Variants in DGKI observed in about 807,000 individuals in gnomAD.
The protein encoded by DGKI is diacylglycerol kinase iota.
DGKI carries 55 observed loss-of-function variants against 147.5 expected under a neutral mutation model. The observed-to-expected ratio is 0.37, with a 90% confidence interval of 0.30 to 0.47. The LOEUF (loss-of-function observed/expected upper bound fraction) is 0.47. Ranked by LOEUF, DGKI falls within the 20% of genes least tolerant of loss-of-function variation. The pLI is 1.00. For missense variants in DGKI, 1,007 were observed against 1,323.8 expected (o/e 0.76, Z 3.71); for synonymous variants, 469 against 477.1 (o/e 0.98, Z 0.22).
chr7:137,456,780 TAAAGTA>T (rs1814222827), intron 27 of DGKI, among the ~76,000 whole-genome samples: 1 of 152,212 alleles, frequency 6.6e-6, no homozygotes, highest in Non-Finnish European at 1.5e-5. Context: ...TGTTTAACAT[TAAAGTA>T]AGTTTGTTTG....
intron 17 of DGKI, among the ~76,000 whole-genome samples, chr7:137,573,686 T>C (rs1312241887): frequency 6.6e-6 from 1 of 152,206 alleles, no homozygotes; most frequent in Non-Finnish European, 1.5e-5. Flanking sequence ...ATTATAGGCG[T>C]GAGCCACTGC....
chr7:137,415,107 G>GC (rs1554399437), intron 28 of DGKI, among the ~76,000 whole-genome samples: 2 of 151,988 alleles, frequency 1.3e-5, no homozygotes, highest in Non-Finnish European at 2.9e-5. Flanking sequence ...AGAACCCATC[G>GC]GATTAGAAGC....
chr7:137,678,493 A>G, intron 3 of DGKI, 64 bp downstream of exon 3: 1 of 1,501,620 alleles, frequency 6.7e-7, no homozygotes, highest in South Asian at 1.1e-5. Context: ...AATTTAGGCA[A>G]GGTGACCCCT....
In DGKI at chr7:137,390,009, C is replaced by T. The variant is rs2128891621; in HGVS notation, c.*1211G>A. Reference sequence around the variant, plus strand: ...ATACAACAAGCCTTTGTTCTTGGGTCAAGGATTACTTGGAGTAATGAAAAC... The same window carrying T: ...ATACAACAAGCCTTTGTTCTTGGGTTAAGGATTACTTGGAGTAATGAAAAC... On this transcript the variant is annotated 3_prime_UTR_variant, in exon 33 of 33. Transcript: ENST00000614521. 1.3e-5 allele frequency: 2 copies of T among 152,230 alleles called. No individual in the cohort carries two copies. Among genetic ancestry groups the T allele is most frequent in the African/African-American group, 4.8e-5 (2 of 41,530 alleles). 9.4% of individuals were successfully genotyped at this position (152,230 alleles called of 1,614,324 possible).
chr7:137,732,895 A>G (rs544960244), intron 1 of DGKI, among the ~76,000 whole-genome samples: 1 of 151,700 alleles, frequency 6.6e-6, no homozygotes, highest in East Asian at 1.9e-4. Context: ...CCCATTCTTT[A>G]TAAAGAAGCC....
At chr7:137,517,250 G>A (rs558584513) in intron 21 of DGKI, among the ~76,000 whole-genome samples, 75 of 80,218 alleles carry the variant, frequency 9.3e-4, no homozygotes, top group Middle Eastern at 5.7e-3. Context: ...AGAAAGAAAA[G>A]AAAAAGAAAG....
At chr7:137,428,211 G>A (rs541963348) in intron 28 of DGKI, among the ~76,000 whole-genome samples, 13 of 150,606 alleles carry the variant, frequency 8.6e-5, no homozygotes, top group Non-Finnish European at 1.8e-4. Context: ...CCATGATCAA[G>A]TGGGCTTCAT....
chr7:137,759,794 T>A (rs1288481182), intron 1 of DGKI, among the ~76,000 whole-genome samples: 1 of 152,130 alleles, frequency 6.6e-6, no homozygotes, highest in East Asian at 1.9e-4. Context: ...TCCCTTTCTT[T>A]CTCTGTTTCT....
At chr7:137,795,960 A>C (rs1302220348) in intron 1 of DGKI, among the ~76,000 whole-genome samples, 1 of 152,238 alleles carries the variant, frequency 6.6e-6, no homozygotes, top group Non-Finnish European at 1.5e-5. Context: ...TCACTAAAAA[A>C]CATACAAACA....
At chr7:137,635,524 T>G (rs185340424) in intron 6 of DGKI, among the ~76,000 whole-genome samples, 1 of 152,268 alleles carries the variant, frequency 6.6e-6, no homozygotes, top group East Asian at 1.9e-4. Flanking sequence ...CCCACGAACA[T>G]AGGATCCTGC....
chr7:137,460,832 T>C (rs1443832428), intron 27 of DGKI, among the ~76,000 whole-genome samples: 1 of 152,186 alleles, frequency 6.6e-6, no homozygotes, highest in African/African-American at 2.4e-5. Flanking sequence ...AATGCAAATA[T>C]AGAAAAACAA....
At chr7:137,449,063 T>G (rs1410701763) in intron 27 of DGKI, among the ~76,000 whole-genome samples, 1 of 152,206 alleles carries the variant, frequency 6.6e-6, no homozygotes, top group African/African-American at 2.4e-5. Flanking sequence ...AATGTTCGTA[T>G]TTTAAGCAAC....
chr7:137,641,188 C>A (rs578161479), intron 6 of DGKI, among the ~76,000 whole-genome samples: 1 of 152,286 alleles, frequency 6.6e-6, no homozygotes, highest in East Asian at 1.9e-4. Context: ...GTGACTTGCT[C>A]CTCCTTGCCT....
At chr7:137,507,773 T>G (rs532034272) in intron 21 of DGKI, among the ~76,000 whole-genome samples, 1 of 152,090 alleles carries the variant, frequency 6.6e-6, no homozygotes, top group Admixed American at 6.6e-5. Flanking sequence ...GGGGAGTACA[T>G]GAAAACATCC....
At chr7:137,559,057 C>T (rs920133234) in intron 19 of DGKI, among the ~76,000 whole-genome samples, 28 of 134,812 alleles carry the variant, frequency 2.1e-4, no homozygotes, top group South Asian at 5.3e-4. Context: ...GTTGTACCTA[C>T]AATTCTTTTT....
At chr7:137,612,071 C>A (rs934330346) in intron 8 of DGKI, among the ~76,000 whole-genome samples, 1 of 152,076 alleles carries the variant, frequency 6.6e-6, no homozygotes, top group Non-Finnish European at 1.5e-5. Context: ...CTTGTCTGAT[C>A]GTAGAACTCA....
At chr7:137,741,235 A>C (rs1450945949) in intron 1 of DGKI, among the ~76,000 whole-genome samples, 1 of 152,040 alleles carries the variant, frequency 6.6e-6, no homozygotes, top group Non-Finnish European at 1.5e-5. Context: ...TTTAATTAGT[A>C]AAAGATAATA....
chr7:137,828,987 C>T (rs576437589), intron 1 of DGKI, among the ~76,000 whole-genome samples: 2 of 152,256 alleles, frequency 1.3e-5, no homozygotes, highest in South Asian at 2.1e-4. Flanking sequence ...ATCCTCTTAC[C>T]CAAATTTTAG....
At position 137,381,618 on chromosome 7, in the gene DGKI, G is replaced by A. The variant is rs34997884; in HGVS notation, c.*9602C>T. Reference sequence around the variant, plus strand: ...CAAATATATTCATTCTTTTAGAACTGAGATTGTCCTCTATTCCTTAGTTTT... The same window carrying A: ...CAAATATATTCATTCTTTTAGAACTAAGATTGTCCTCTATTCCTTAGTTTT... On this transcript the variant is annotated 3_prime_UTR_variant, in exon 33 of 33. Transcript: ENST00000614521. 42,290 of 151,660 alleles carry A rather than the reference G, an allele frequency of 0.28. 6,886 individuals are homozygous for A. The highest frequency in any genetic ancestry group is 0.35 in the Non-Finnish European group (23,841 of 67,846). 9.4% of individuals were successfully genotyped at this position (151,660 alleles called of 1,614,324 possible). A position where few individuals can be genotyped will look rare whatever the true frequency, so the allele number is the denominator to read the frequency against.
Sources: gnomAD v4.1 joint callset for allele counts (sites outside exome capture counted in the v4.1 genomes callset) on GRCh38, gnomAD v4.1.1 for gene constraint, MANE v1.5 for transcripts, NCBI Gene and HGNC (gene_info 2026-07-23, HGNC 2026-07-21) for gene names.